Variants in UNC79 observed in about 807,000 individuals in gnomAD.
UNC79 encodes protein unc-79 homolog.
In UNC79, 37 loss-of-function variants were observed where a neutral mutation model predicts 283.1. That is an observed-to-expected ratio of 0.13 (90% CI 0.10 to 0.17). The LOEUF is 0.17. UNC79 is among the 10% of genes least tolerant of loss of function. The probability of loss-of-function intolerance (pLI) is 1.00; values close to 1 mark genes in which losing one functional copy is unlikely to be tolerated. For synonymous variants in UNC79, 1,107 were observed against 1,200.2 expected, an observed-to-expected ratio of 0.92 and a Z score of 1.61; for missense variants, 2,272 against 3,211.1, an observed-to-expected ratio of 0.71 and a Z score of 7.07.
Position 93,690,367 on chromosome 14 carries a change from C to A in UNC79, c.7272+64C>A, listed in dbSNP as rs186768782. On this transcript the variant is annotated intron_variant, in intron 45 of 48. Coordinates refer to ENST00000555664, the Ensembl canonical transcript of UNC79. This position sits in a 1 kb window ranked among gnomAD's most constrained non-coding sequence, Gnocchi z 4.3. ...AATTGCTAATGGAAACCTTATCAGCCAATTATGTTTCTTCTGAGAAGAAAA... is the reference window on the plus strand; with the variant it reads ...AATTGCTAATGGAAACCTTATCAGCAAATTATGTTTCTTCTGAGAAGAAAA... The A allele has an allele frequency of 6.5e-4, 993 of 1,521,194 alleles. 8 individuals are homozygous for A. The African/African-American group carries it at 0.012, about 19-fold the overall frequency. The allele number at this position is 1,521,194 out of a possible 1,614,324, so 94.2% of individuals were successfully genotyped here.
rs558290839 is a variant in UNC79, at chr14:93,654,737, G to A, written c.6283-497G>A. 1.5e-4 allele frequency among the ~76,000 whole-genome samples: 23 copies of A among 152,226 alleles called. 1 individual carries two copies. The East Asian group carries it at 4.2e-3, about 28-fold the overall frequency. On this transcript the variant is annotated intron_variant, in intron 37 of 48. Coordinates refer to ENST00000555664, the Ensembl canonical transcript of UNC79. The stretch of plus-strand genomic sequence containing the variant: ...ACTTCTCCATACCCTCAGCTAAGTC[G>A]TGACCTTGCTTCCACAGAACAACTT...
At chr14:93,440,483 T>C (rs897404664) in intron 1 of UNC79, among the ~76,000 whole-genome samples, 14 of 152,000 alleles carry the variant, frequency 9.2e-5, no homozygotes, top group Admixed American at 8.5e-4. Flanking sequence ...CCTTGATTTC[T>C]TTGTTTTATT....
chr14:93,410,826 G>A (rs1173898489), intron 1 of UNC79, among the ~76,000 whole-genome samples: 1 of 152,070 alleles, frequency 6.6e-6, no homozygotes, highest in East Asian at 1.9e-4. Flanking sequence ...ATACACTGTG[G>A]GCCGTAGGTG....
chr14:93,676,993 T>C (rs2073398081), intron 41 of UNC79, among the ~76,000 whole-genome samples: 1 of 152,152 alleles, frequency 6.6e-6, no homozygotes, highest in Non-Finnish European at 1.5e-5. Context: ...CATTTTCAGA[T>C]CATGCCCAGG....
intron 30 of UNC79, among the ~76,000 whole-genome samples, chr14:93,628,895 A>G (rs1317708155): frequency 6.6e-6 from 1 of 152,192 alleles, no homozygotes; most frequent in African/African-American, 2.4e-5. Flanking sequence ...AGATACAGCA[A>G]GGATTTTAAT....
At chr14:93,383,833 C>T (rs10143972) in intron 1 of UNC79, among the ~76,000 whole-genome samples, 128,751 of 152,076 alleles carry the variant, frequency 0.85, 54,989 homozygotes, top group African/African-American at 0.96. Context: ...GGGCTGGGTC[C>T]TTCCTGTGCT....
chr14:93,622,818 A>T, exon 30 of UNC79: 1 of 1,613,670 alleles, frequency 6.2e-7, no homozygotes, highest in Non-Finnish European at 8.5e-7. Flanking sequence ...ATTCTGGACA[A>T]ACTGGGAGAA....
chr14:93,583,831 G>C (rs545644952), intron 20 of UNC79, among the ~76,000 whole-genome samples: 2 of 147,642 alleles, frequency 1.4e-5, no homozygotes, highest in Non-Finnish European at 1.5e-5. Flanking sequence ...TTAAGATAAG[G>C]GTCCTGCTCT....
chr14:93,425,517 A>C (rs759068030), upstream of UNC79, among the ~76,000 whole-genome samples: 3 of 152,246 alleles, frequency 2.0e-5, no homozygotes, highest in Non-Finnish European at 2.9e-5. Flanking sequence ...CAGTATGGTT[A>C]AACAGGCAAG....
intron 1 of UNC79, among the ~76,000 whole-genome samples, chr14:93,444,834 C>G (rs1314349305): frequency 6.6e-6 from 1 of 152,156 alleles, no homozygotes; most frequent in Non-Finnish European, 1.5e-5. Flanking sequence ...ACTGTTTCAA[C>G]TATTTAAAGT....
intron 5 of UNC79, among the ~76,000 whole-genome samples, chr14:93,494,342 C>G (rs764139994): frequency 7.2e-5 from 11 of 152,180 alleles, no homozygotes; most frequent in Non-Finnish European, 1.2e-4. Context: ...GGGATTACAA[C>G]TGAACATGAG....
At chr14:93,367,109 C>G (rs972672775) in intron 1 of UNC79, among the ~76,000 whole-genome samples, 1 of 152,124 alleles carries the variant, frequency 6.6e-6, no homozygotes, top group African/African-American at 2.4e-5. Context: ...ATCCAGTTCT[C>G]CATTTCTTTC....
intron 30 of UNC79, among the ~76,000 whole-genome samples, chr14:93,623,751 G>A (rs890079095): frequency 6.6e-6 from 1 of 152,114 alleles, no homozygotes; most frequent in African/African-American, 2.4e-5. Context: ...AAATTAGTTG[G>A]GCGTGGTGGC....
In UNC79 at chr14:93,528,650, G is replaced by C. The variant is rs879575597; in HGVS notation, c.1052+4G>C. 6.2e-6 allele frequency: 10 copies of C among 1,612,756 alleles called. No homozygotes were observed. The highest frequency in any genetic ancestry group is 8.5e-6 in the Non-Finnish European group (10 of 1,179,354). ...AATGCAGCGAGAGGATTGCAGGGTAGGTATAAGAGTTCTTAAAGAAAAGGA... is the reference window on the plus strand; with the variant it reads ...AATGCAGCGAGAGGATTGCAGGGTACGTATAAGAGTTCTTAAAGAAAAGGA... On this transcript the variant is annotated splice_donor_region_variant and intron_variant, in intron 9 of 48. Transcript: ENST00000555664.
chr14:93,404,749 CTT>C (rs1225752425), intron 1 of UNC79, among the ~76,000 whole-genome samples: 4 of 151,204 alleles, frequency 2.6e-5, no homozygotes, highest in South Asian at 4.2e-4. Context: ...CAACTCCTCT[CTT>C]AATGAAAGAG....
At chr14:93,456,171 A>C (rs928711860) in intron 1 of UNC79, among the ~76,000 whole-genome samples, 2 of 152,060 alleles carry the variant, frequency 1.3e-5, no homozygotes, top group Admixed American at 1.3e-4. Flanking sequence ...GATAGTTGCT[A>C]ATCTGGGAAT....
intron 26 of UNC79, among the ~76,000 whole-genome samples, chr14:93,607,238 G>A (rs1353723696): frequency 2.6e-5 from 4 of 152,106 alleles, no homozygotes; most frequent in Admixed American, 2.6e-4. Context: ...CTGAACTAAT[G>A]GTATCAATCC....
At chr14:93,703,042 G>A (rs141719173) in intron 47 of UNC79, among the ~76,000 whole-genome samples, 1 of 152,342 alleles carries the variant, frequency 6.6e-6, no homozygotes, top group African/African-American at 2.4e-5. Flanking sequence ...GGCATTTAGG[G>A]CCATCTGGTG....
At chr14:93,577,817 T>G in intron 17 of UNC79, 25 bp from the exon 18 acceptor site, 2 of 1,609,782 alleles carry the variant, frequency 1.2e-6, no homozygotes, top group Non-Finnish European at 1.7e-6. Context: ...AGTTCATTTC[T>G]ATGTGTTGCC....
Sources: gnomAD v4.1 joint callset for allele counts (sites outside exome capture counted in the v4.1 genomes callset) on GRCh38, gnomAD v4.1.1 for gene constraint, Gnocchi (gnomAD v3.1) non-coding constraint, MANE v1.5 for transcripts, NCBI Gene and HGNC (gene_info 2026-07-23, HGNC 2026-07-21) for gene names.